Variants in ZW10 observed in about 807,000 individuals in gnomAD.
ZW10 encodes centromere/kinetochore protein zw10 homolog.
Under a neutral mutation model 87.8 loss-of-function variants are expected in ZW10, and 53 were observed. The observed-to-expected ratio is 0.60, with a 90% CI of 0.48 to 0.76. The LOEUF is 0.76. Among genes scored for constraint, ZW10 ranks in the 30% least tolerant of loss-of-function variants. The pLI is 0.00. For missense variants in ZW10, 837 were observed against 923.0 expected (o/e 0.91, Z 1.21); for synonymous variants, 312 against 329.2 (o/e 0.95, Z 0.57).
intron 9 of ZW10, among the ~76,000 whole-genome samples, chr11:113,746,495 C>CAAAAAAAAAAAAAAAAAAAAAAAAAAAAA (rs566009326): frequency 9.5e-6 from 1 of 105,342 alleles, no homozygotes; most frequent in African/African-American, 3.9e-5. Flanking sequence ...ACAAAACAGT[C>CAAAAAAAAAAAAAAAAAAAAAAAAAAAAA]AAAAAAAAAA....
intron 7 of ZW10, among the ~76,000 whole-genome samples, chr11:113,749,048 C>T (rs576948554): frequency 3.3e-5 from 5 of 152,176 alleles, no homozygotes; most frequent in African/African-American, 1.2e-4. Context: ...CAAAGGAAGA[C>T]TTAGGGGATT....
chr11:113,741,875 T>G (rs1483811129), intron 10 of ZW10, 110 bp from the exon 11 acceptor site: 3 of 635,858 alleles, frequency 4.7e-6, no homozygotes, highest in Non-Finnish European at 8.1e-6. Flanking sequence ...AAACTACAGT[T>G]GCACAGAACA....
chr11:113,760,691 T>TAAAAAAAAAAAAAAAAA, intron 3 of ZW10, 101 bp from the exon 4 acceptor site: 6 of 747,968 alleles, frequency 8.0e-6, no homozygotes, highest in South Asian at 2.3e-5. Context: ...CTCCCCCCTC[T>TAAAAAAAAAAAAAAAAA]AAAAAAAAAA....
At position 113,736,732 on chromosome 11, in the gene ZW10, C is replaced by G; in HGVS notation, c.2107G>C (p.Glu703Gln). 6.2e-7 allele frequency: 1 copy of G among 1,614,156 alleles called. No homozygotes were observed. The highest frequency in any genetic ancestry group is 8.5e-7 in the Non-Finnish European group (1 of 1,180,024). Residue 703 changes from glutamate (E) to glutamine (Q), a missense_variant, in exon 15 of 16, where the codon GAA becomes CAA. Transcript: ENST00000200135. ...GPQVFAPLSE[E>Q]SKNKKYQEEV... Reference sequence around the variant, plus strand: ...TCTTGATATTTCTTGTTCTTGCTTTCTTCAGATAAAGGTGCAAATACTTGG... The same window carrying G: ...TCTTGATATTTCTTGTTCTTGCTTTGTTCAGATAAAGGTGCAAATACTTGG...
chr11:113,735,804 CACT>C (rs147850284), intron 15 of ZW10, among the ~76,000 whole-genome samples: 11,577 of 152,200 alleles, frequency 0.076, 591 homozygotes, highest in Non-Finnish European at 0.11. Context: ...AAACATCATC[CACT>C]ACGTTTGAGA....
chr11:113,769,851 G>A, intron 1 of ZW10: 1 of 354,318 alleles, frequency 2.8e-6, no homozygotes, highest in South Asian at 2.4e-5. Context: ...CAGAGCTGCA[G>A]AAGTTTCTCC....
intron 7 of ZW10, among the ~76,000 whole-genome samples, chr11:113,753,483 GCACC>G (rs923528340): frequency 2.6e-5 from 4 of 152,104 alleles, no homozygotes; most frequent in African/African-American, 9.7e-5. Context: ...TCAGCTCACT[GCACC>G]CTCCACCTCC....
intron 7 of ZW10, among the ~76,000 whole-genome samples, chr11:113,748,724 A>G (rs1953706564): frequency 6.6e-6 from 1 of 152,226 alleles, no homozygotes; most frequent in South Asian, 2.1e-4. Context: ...AAGCACTCAG[A>G]AGTTCTGCAT....
intron 5 of ZW10, among the ~76,000 whole-genome samples, chr11:113,759,517 G>T (rs766897718): frequency 1.3e-5 from 2 of 152,156 alleles, no homozygotes; most frequent in Admixed American, 6.6e-5. Context: ...AAAATCCAGT[G>T]TTGGAAAATA....
At chr11:113,764,425 T>C (rs566768352) in intron 2 of ZW10, among the ~76,000 whole-genome samples, 3 of 152,324 alleles carry the variant, frequency 2.0e-5, no homozygotes, top group South Asian at 2.1e-4. Context: ...TGTGACAGCA[T>C]TGAATCTATA....
At chr11:113,758,294 C>A (rs1160091284) in intron 6 of ZW10, among the ~76,000 whole-genome samples, 1 of 151,282 alleles carries the variant, frequency 6.6e-6, no homozygotes, top group Non-Finnish European at 1.5e-5. Context: ...GCAGGTTTTA[C>A]CACTGAAGTT....
At chr11:113,757,958 G>T in intron 6 of ZW10, 105 bp from the exon 7 acceptor site, 1 of 926,156 alleles carries the variant, frequency 1.1e-6, no homozygotes, top group Non-Finnish European at 1.5e-6. Flanking sequence ...GGCCGAGGCA[G>T]GTGGATCATC....
intron 7 of ZW10, among the ~76,000 whole-genome samples, chr11:113,754,742 C>A (rs1953765581): frequency 6.6e-6 from 1 of 152,092 alleles, no homozygotes; most frequent in Non-Finnish European, 1.5e-5. Flanking sequence ...GTAGCACATG[C>A]CACTATGCCT....
At chr11:113,752,261 GAT>G (rs1491562323) in intron 7 of ZW10, among the ~76,000 whole-genome samples, 10 of 151,604 alleles carry the variant, frequency 6.6e-5, no homozygotes, top group African/African-American at 2.2e-4. Context: ...ACATGAACAA[GAT>G]GTGTGTGTGT....
chr11:113,755,747 T>G (rs1260220815), intron 7 of ZW10, among the ~76,000 whole-genome samples: 4 of 152,194 alleles, frequency 2.6e-5, no homozygotes, highest in Non-Finnish European at 2.9e-5. Flanking sequence ...TGTTGTCTTA[T>G]TTTAAGAAAT....
chr11:113,736,501 AATATG>A (rs1953554774), intron 15 of ZW10, 114 bp downstream of exon 15: 7 of 971,588 alleles, frequency 7.2e-6, no homozygotes, highest in Non-Finnish European at 1.1e-5. Context: ...ACTGCTACTC[AATATG>A]AAAGTCTTGC....
chr11:113,744,030 T>G lies in ZW10; in HGVS notation c.1283A>C (p.Asp428Ala). ...EIHNTVKIIP[D>A]SKINVPELPT... ...TAACTCTGGCACATTTATCTTAGAA[T>G]CAGGAATAATCTAAGATTCAAACAC... is the stretch of plus-strand genomic sequence containing the variant. Residue 428 changes from aspartate (D) to alanine (A), a missense_variant, in exon 10 of 16, where the codon GAT (aspartate) becomes GCT (alanine). Physicochemically the swap from Asp to Ala is moderately radical, Grantham distance 126. Transcript: ENST00000200135. 8 of 1,606,776 alleles carry G rather than the reference T, an allele frequency of 5.0e-6. No individual in the cohort carries two copies. The highest frequency in any genetic ancestry group is 6.8e-6 in the Non-Finnish European group (8 of 1,174,040).
At chr11:113,773,474 G>A (rs1565290824) in intron 1 of ZW10, 88 bp downstream of exon 1, 4 of 1,122,340 alleles carry the variant, frequency 3.6e-6, no homozygotes, top group Non-Finnish European at 3.9e-6. Context: ...CACTCTGTCT[G>A]CCCTTAGCCC....
chr11:113,752,532 T>TG (rs1246476026), intron 7 of ZW10, among the ~76,000 whole-genome samples: 2 of 152,258 alleles, frequency 1.3e-5, no homozygotes, highest in African/African-American at 4.8e-5. Flanking sequence ...CAAGAGCATG[T>TG]GCTCACTTCA....
Sources: gnomAD v4.1 joint callset for allele counts (sites outside exome capture counted in the v4.1 genomes callset) on GRCh38, gnomAD v4.1.1 for gene constraint, MANE v1.5 for transcripts, NCBI Gene and HGNC (gene_info 2026-07-23, HGNC 2026-07-21) for gene names.